The following NUP98 variants were observed in gnomAD, a reference collection of about 807,000 sequenced individuals.
NUP98 encodes the protein nuclear pore complex protein Nup98-Nup96.
NUP98 carries 26 observed loss-of-function variants against 191.9 expected under a neutral mutation model. The observed-to-expected ratio is 0.14, with a 90% CI of 0.10 to 0.19. NUP98 has a LOEUF of 0.19. Among genes scored for constraint, NUP98 ranks in the 10% least tolerant of loss-of-function variants. The probability of loss-of-function intolerance (pLI) is 1.00; values close to 1 mark genes in which losing one functional copy is unlikely to be tolerated. For missense variants in NUP98, 1,941 were observed against 2,178.8 expected, an observed-to-expected ratio of 0.89 and a Z score of 2.17; for synonymous variants, 808 against 778.4, an observed-to-expected ratio of 1.04 and a Z score of -0.63.
rs779939749 is a variant in NUP98 at position 3,731,469 on chromosome 11, G to A, written c.1652C>T (p.Thr551Ile). The A allele has an allele frequency of 1.2e-6, 2 of 1,608,760 alleles. No homozygotes were observed. Among genetic ancestry groups the A allele is most frequent in the Non-Finnish European group, 1.7e-6 (2 of 1,177,296 alleles). Residue 551 changes from threonine to isoleucine, a missense_variant, in exon 14 of 33, where the codon ACA becomes ATA. Thr to Ile is a moderately conservative substitution (Grantham distance 89). Around this residue, in one of 6 missense-constraint regions of NUP98, gnomAD observed 453 missense variants for 438.2 expected, o/e 1.03. Transcript: ENST00000324932. ...AAAGAGATGTGACTTGGCTGTGCCT[G>A]TTGTTTGTAAAGCCTTTGGCCGGAC... ...TRVRPKALQT[T>I]GTAKSHLFDG... is the part of the protein sequence containing the mutation.
At chr11:3,773,817 T>C in intron 5 of NUP98, 78 bp from the exon 6 acceptor site, 1 of 838,820 alleles carries the variant, frequency 1.2e-6, no homozygotes, top group Non-Finnish European at 2.0e-6. Flanking sequence ...TCTCAACCAC[T>C]GAACTCTAAA....
At chr11:3,706,048 A>T (rs889254327) in intron 21 of NUP98, among the ~76,000 whole-genome samples, 2 of 151,500 alleles carry the variant, frequency 1.3e-5, no homozygotes, top group Non-Finnish European at 2.9e-5. Context: ...ACACGCCTGT[A>T]ATCTCACCTA....
Position 3,773,623 on chromosome 11 carries a change from T to C in NUP98, c.603+9A>G, listed in dbSNP as rs1564912696. ...GTTAGACTGACATTCTGTATTGTAT[T>C]TTACTGACCTCTAGTGACTTGCTTT... On this transcript the variant is annotated intron_variant, in intron 6 of 32. Coordinates refer to ENST00000324932, the MANE Select transcript of NUP98 (RefSeq NM_016320.5). The C allele has an allele frequency of 6.6e-7, 1 of 1,516,862 alleles. No individual in the cohort carries two copies. 94.0% of individuals were successfully genotyped at this position (1,516,862 alleles called of 1,614,324 possible).
At chr11:3,680,221 A>G (rs35670193) in intron 30 of NUP98, among the ~76,000 whole-genome samples, 13,564 of 152,206 alleles carry the variant, frequency 0.089, 674 homozygotes, top group South Asian at 0.16. Flanking sequence ...TGCTTTATCA[A>G]CTAAGCTTAA....
rs1469629582 is a variant in NUP98, at chr11:3,735,306, G to A, written c.1427C>T (p.Ala476Val). Residue 476 changes from alanine (A) to valine (V), a missense_variant, in exon 13 of 33, where the codon GCT (alanine) becomes GTT (valine). This residue lies in a region of NUP98 where 453 missense variants were observed against 438.2 expected (regional missense o/e 1.03). Transcript: ENST00000324932. ...QAPVALTDPN[A>V]SAAQQAVLQQ... ...GAGAACAGCCTGCTGGGCAGCAGAA[G>A]CATTTGGATCTGTCAAAGCTTTTAA... is the stretch of plus-strand genomic sequence containing the variant. The A allele has an allele frequency of 6.5e-7, 1 of 1,539,834 alleles. No individual in the cohort carries two copies. Among genetic ancestry groups the A allele is most frequent in the Non-Finnish European group, 8.8e-7 (1 of 1,141,630 alleles).
At chr11:3,741,443 G>C (rs920374525) in intron 12 of NUP98, among the ~76,000 whole-genome samples, 2 of 151,914 alleles carry the variant, frequency 1.3e-5, no homozygotes, top group South Asian at 4.2e-4. Flanking sequence ...CCAACATGGT[G>C]AAACCCCATC....
intron 1 of NUP98, among the ~76,000 whole-genome samples, chr11:3,789,552 G>A (rs546102470): frequency 9.9e-6 from 1 of 100,846 alleles, no homozygotes; most frequent in African/African-American, 4.1e-5. Flanking sequence ...GTCTCACTCT[G>A]TTGCCCAGGC....
In NUP98 at chr11:3,703,665, T is replaced by C. The variant is rs546319592; in HGVS notation, c.3083-773A>G. On this transcript the variant is annotated intron_variant, in intron 22 of 32. Coordinates refer to ENST00000324932, the MANE Select transcript of NUP98 (RefSeq NM_016320.5). ...TCTGGCACCACTCCTCATGCCCTTA[T>C]CAGAATCCTAAAGGTAACGATTTCT... Among the ~76,000 whole-genome samples, 6 of 152,218 alleles carry C rather than the reference T, an allele frequency of 3.9e-5. No homozygotes were observed. In the South Asian group the frequency reaches 1.2e-3, roughly 32 times the overall value.
chr11:3,744,464 T>C, intron 12 of NUP98, 45 bp downstream of exon 12: 2 of 1,565,910 alleles, frequency 1.3e-6, no homozygotes, highest in East Asian at 2.3e-5. Flanking sequence ...TCAGCAAGTA[T>C]TAGCAAAAAA....
At chr11:3,742,743 T>C (rs967779573) in intron 12 of NUP98, among the ~76,000 whole-genome samples, 24 of 133,172 alleles carry the variant, frequency 1.8e-4, no homozygotes, top group Non-Finnish European at 4.9e-5. Context: ...ATAAGGGTAA[T>C]AAAAACATAG....
Position 3,775,990 on chromosome 11 carries a change from G to C in NUP98, c.387C>G (p.Leu129=). ...TAGAGGTGGTATTTGTGGTTCCAAA[G>C]AGTCCTCCACTGCTAGTACTGGTTC... ...NFGTSTSSGG[L]FGTTNTTSNP... Residue 129 remains leucine, a synonymous_variant, in exon 5 of 33, where the codon CTC becomes CTG. Transcript: ENST00000324932. The C allele has an allele frequency of 6.2e-7, 1 of 1,613,604 alleles. No individual in the cohort carries two copies. The highest frequency in any genetic ancestry group is 8.5e-7 in the Non-Finnish European group (1 of 1,179,588).
chr11:3,689,638 A>C (rs1564807700), intron 28 of NUP98, among the ~76,000 whole-genome samples: 1 of 151,978 alleles, frequency 6.6e-6, no homozygotes, highest in Non-Finnish European at 1.5e-5. Flanking sequence ...ACCACTCTGC[A>C]TTTCTTTCTT....
chr11:3,681,360 G>A (rs751131175), intron 30 of NUP98, among the ~76,000 whole-genome samples: 6 of 152,136 alleles, frequency 3.9e-5, no homozygotes, highest in Non-Finnish European at 7.3e-5. Flanking sequence ...ATCTACAATG[G>A]TGAATCCTTT....
chr11:3,778,198 C>CAA (rs71302029), intron 4 of NUP98, among the ~76,000 whole-genome samples: 3,384 of 60,020 alleles, frequency 0.056, 111 homozygotes, highest in Non-Finnish European at 0.065. Flanking sequence ...GACTCCATCT[C>CAA]AAAAAAAAAA....
chr11:3,780,937 G>A (rs1174166414), intron 2 of NUP98, among the ~76,000 whole-genome samples: 1 of 151,802 alleles, frequency 6.6e-6, no homozygotes, highest in African/African-American at 2.4e-5. Flanking sequence ...AAAATTAGCC[G>A]GGCATGGTGC....
intron 20 of NUP98, 132 bp from the exon 21 acceptor site, chr11:3,706,759 G>C: frequency 1.2e-6 from 1 of 832,572 alleles, no homozygotes; most frequent in Admixed American, 2.6e-5. Flanking sequence ...GGTGAGGTAA[G>C]GTAGCAGATT....
intron 8 of NUP98, among the ~76,000 whole-genome samples, chr11:3,765,801 CAAA>C (rs368424606): frequency 5.2e-5 from 6 of 115,334 alleles, no homozygotes; most frequent in Non-Finnish European, 3.7e-5. Flanking sequence ...GACTCTGTCT[CAAA>C]AAAAAAAAAA....
rs3740669 is a variant in NUP98 at position 3,693,195 on chromosome 11, A to G, written c.4311+37T>C. On this transcript the variant is annotated intron_variant, in intron 27 of 32. Transcript: ENST00000324932. ...TCAATTTGACAATACTTTAACACCC[A>G]GCAAGATTTTTGCTTGGCTCTATTG... The G allele has an allele frequency of 6.8e-5, 110 of 1,610,424 alleles. 1 individual carries two copies. The East Asian group carries it at 2.4e-3, about 35-fold the overall frequency.
chr11:3,727,363 C>T (rs1188055902), intron 14 of NUP98, among the ~76,000 whole-genome samples: 1 of 152,074 alleles, frequency 6.6e-6, no homozygotes, highest in African/African-American at 2.4e-5. Flanking sequence ...AATTAATGAA[C>T]ACAGAGGGCA....
Sources: allele counts gnomAD v4.1 joint callset (sites outside exome capture counted in the v4.1 genomes callset), GRCh38; gene constraint gnomAD v4.1.1; regional missense constraint gnomAD v4.1.1; transcripts MANE v1.5; gene names NCBI Gene and HGNC (gene_info 2026-07-23, HGNC 2026-07-21).